FAM13B: variants seen among roughly 807,000 people sequenced by gnomAD.
The protein encoded by FAM13B is protein FAM13B.
In FAM13B, 60 loss-of-function variants were observed where a neutral mutation model predicts 117.3. The ratio of observed to expected loss-of-function variants is 0.51; its 90% CI spans 0.42 to 0.63. FAM13B has a LOEUF of 0.63. FAM13B is among the 30% of genes least tolerant of loss of function. The probability of loss-of-function intolerance (pLI) is 0.00; values close to 1 mark genes in which losing one functional copy is unlikely to be tolerated. For synonymous variants in FAM13B, 332 were observed against 356.1 expected (o/e 0.93, Z 0.76); for missense variants, 972 against 1,091.9 (o/e 0.89, Z 1.55).
In FAM13B at chr5:137,971,646, C is replaced by T. The variant is rs187823418; in HGVS notation, c.1180-9177G>A. ...CTGAAGGAAATAGAGATACAAAAAACCCTTCAAAAAATTAACGAATCCAGG... is the reference window on the plus strand; with the variant it reads ...CTGAAGGAAATAGAGATACAAAAAATCCTTCAAAAAATTAACGAATCCAGG... On this transcript the variant is annotated intron_variant, in intron 10 of 23. Transcript: ENST00000689681. Among the ~76,000 whole-genome samples the T allele has an allele frequency of 6.3e-3, 950 of 151,960 alleles. 13 individuals are homozygous for T. Among genetic ancestry groups the T allele is most frequent in the African/African-American group, 0.022 (916 of 41,450 alleles).
chr5:137,978,930 C>G (rs947189381), intron 10 of FAM13B, among the ~76,000 whole-genome samples: 1 of 152,136 alleles, frequency 6.6e-6, no homozygotes, highest in Non-Finnish European at 1.5e-5. Context: ...GTTTCTTACC[C>G]CAGTTTGCAC....
intron 10 of FAM13B, among the ~76,000 whole-genome samples, chr5:137,974,521 A>G (rs1370210607): frequency 6.7e-6 from 1 of 148,882 alleles, no homozygotes; most frequent in Admixed American, 6.7e-5. Context: ...ATGACGAGTT[A>G]GTGGGTGCAG....
chr5:137,966,482 T>G lies in FAM13B; in HGVS notation c.1180-4013A>C, dbSNP rs925182485. On this transcript the variant is annotated intron_variant, in intron 10 of 23. Transcript: ENST00000689681. ...TTTTATATATATATATATATATATA[T>G]ATATATAGAGAGAGAGAGAGAGAGA... is the stretch of plus-strand genomic sequence containing the variant. Among the ~76,000 whole-genome samples, 505 of 53,590 alleles carry G rather than the reference T, an allele frequency of 9.4e-3. 4 individuals carry two copies. The highest frequency in any genetic ancestry group is 0.039 in the Middle Eastern group (4 of 102). The allele number at this position is 53,590 out of a possible 152,430, so 35.2% of individuals were successfully genotyped here.
At chr5:137,999,225 C>G (rs974823078) in intron 7 of FAM13B, among the ~76,000 whole-genome samples, 2 of 151,916 alleles carry the variant, frequency 1.3e-5, no homozygotes, top group South Asian at 2.1e-4. Flanking sequence ...GCAATCCTCC[C>G]ACCTCAGCCT....
chr5:137,962,304 A>T, intron 11 of FAM13B, 101 bp downstream of exon 11: 1 of 888,046 alleles, frequency 1.1e-6, no homozygotes, highest in Non-Finnish European at 1.8e-6. Context: ...TATCTAAACT[A>T]TATATTTATA....
intron 10 of FAM13B, among the ~76,000 whole-genome samples, chr5:137,971,761 A>T (rs1772243456): frequency 6.7e-6 from 1 of 148,880 alleles, no homozygotes; most frequent in East Asian, 2.0e-4. Flanking sequence ...TAGACGCAAT[A>T]AAAAATGATA....
At chr5:138,015,539 C>T (rs1269037302) in intron 4 of FAM13B, among the ~76,000 whole-genome samples, 1 of 152,118 alleles carries the variant, frequency 6.6e-6, no homozygotes, top group Non-Finnish European at 1.5e-5. Context: ...CCCATCTCTA[C>T]TAAAAATACA....
chr5:137,968,891 G>T (rs1051361128), intron 10 of FAM13B, among the ~76,000 whole-genome samples: 1 of 152,184 alleles, frequency 6.6e-6, no homozygotes, highest in Non-Finnish European at 1.5e-5. Flanking sequence ...TGAATACTAC[G>T]CTTTTCCGAC....
Position 137,945,901 on chromosome 5 carries a change from C to G in FAM13B, c.2340+1G>C. ...AGAGAATTATTGCTTATTTTACTTA[C>G]AAGGACAGGAGTGATGCTAGCTCTT... On this transcript the variant is annotated splice_donor_variant, in intron 20 of 23. Transcript: ENST00000689681. LOFTEE classifies it high-confidence loss of function. 1.2e-6 allele frequency: 2 copies of G among 1,602,400 alleles called. No homozygotes were observed. The highest frequency in any genetic ancestry group is 1.7e-6 in the Non-Finnish European group (2 of 1,172,244).
chr5:138,004,521 AC>A (rs1782069190), intron 7 of FAM13B, among the ~76,000 whole-genome samples: 1 of 152,262 alleles, frequency 6.6e-6, no homozygotes, highest in Non-Finnish European at 1.5e-5. Flanking sequence ...CATGATAGTC[AC>A]TTGCCACACG....
intron 1 of FAM13B, among the ~76,000 whole-genome samples, chr5:138,022,033 C>T (rs1293061954): frequency 5.9e-5 from 9 of 151,276 alleles, no homozygotes; most frequent in Admixed American, 5.9e-4. Context: ...AGGATCACTT[C>T]TGCCAGGAGG....
chr5:138,022,863 C>G (rs556197733), intron 1 of FAM13B, among the ~76,000 whole-genome samples: 1 of 150,998 alleles, frequency 6.6e-6, no homozygotes, highest in African/African-American at 2.4e-5. Context: ...GGGTCTCACT[C>G]TGTCACCCAG....
Position 137,940,138 on chromosome 5 carries a change from AC to A in FAM13B, c.*86del. On this transcript the variant is annotated 3_prime_UTR_variant, in exon 24 of 24. Coordinates refer to ENST00000689681, the MANE Select transcript of FAM13B (RefSeq NM_001385994.1). ...TGAGATTCTCTGAGTGCCTGACAAA[AC>A]GAATTTAAGTACCAGCCAAGTACAC... is the stretch of plus-strand genomic sequence containing the variant. 1 of 1,614,038 alleles carries A rather than the reference AC, an allele frequency of 6.2e-7. No individual in the cohort carries two copies. The highest frequency in any genetic ancestry group is 8.5e-7 in the Non-Finnish European group (1 of 1,179,908).
chr5:137,992,367 G>A (rs936339762), intron 7 of FAM13B, among the ~76,000 whole-genome samples: 3 of 151,444 alleles, frequency 2.0e-5, no homozygotes, highest in Admixed American at 6.6e-5. Context: ...GCTAAGGCGG[G>A]CAGATCACCT....
At chr5:137,985,445 T>C (rs1776945293) in intron 9 of FAM13B, 56 bp from the exon 10 acceptor site, 10 of 1,506,082 alleles carry the variant, frequency 6.6e-6, no homozygotes. Context: ...GTAATGCCTT[T>C]ACTTTAAAAT....
At chr5:138,026,858 G>C (rs2151039265) in intron 1 of FAM13B, among the ~76,000 whole-genome samples, 1 of 151,498 alleles carries the variant, frequency 6.6e-6, no homozygotes, top group East Asian at 1.9e-4. Flanking sequence ...AGAATCGCTT[G>C]AACCCGGGAG....
chr5:138,041,892 C>CA (rs879539600), intron 1 of FAM13B, among the ~76,000 whole-genome samples: 491 of 134,592 alleles, frequency 3.6e-3, no homozygotes, highest in African/African-American at 8.9e-3. Context: ...GACCCTGTCT[C>CA]AAAAAAAAAA....
chr5:137,954,229 C>T lies in FAM13B; in HGVS notation c.1655G>A (p.Ser552Asn). 1.2e-6 allele frequency: 2 copies of T among 1,614,034 alleles called. No individual in the cohort carries two copies. The highest frequency in any genetic ancestry group is 1.7e-6 in the Non-Finnish European group (2 of 1,180,008). ...TTCTGGATCATGTAGGAAACGCTGG[C>T]TTTGACCAAAATCTAAACTGCGGTG... ...LSHRSLDFGQ[S>N]QRFLHDPEKL... is the part of the protein sequence containing the mutation. Residue 552 changes from serine to asparagine, a missense_variant, in exon 15 of 24, where the codon AGC (serine) becomes AAC (asparagine). Transcript: ENST00000689681.
intron 11 of FAM13B, 54 bp downstream of exon 11, chr5:137,962,351 G>T: frequency 2.0e-6 from 3 of 1,508,240 alleles, no homozygotes; most frequent in South Asian, 2.3e-5. Context: ...TCAAAAATCT[G>T]TGAAGAGCTC....
Sources: allele counts gnomAD v4.1 joint callset (sites outside exome capture counted in the v4.1 genomes callset), GRCh38; gene constraint gnomAD v4.1.1; transcripts MANE v1.5; gene names NCBI Gene and HGNC (gene_info 2026-07-23, HGNC 2026-07-21).